The following ANO6 variants were observed in gnomAD, a reference collection of about 807,000 sequenced individuals.
ANO6 encodes anoctamin 6.
ANO6 carries 106 observed loss-of-function variants against 117.5 expected under a neutral mutation model. The ratio of observed to expected loss-of-function variants is 0.90; its 90% CI spans 0.77 to 1.06. The LOEUF is 1.06. Ranked by LOEUF, ANO6 falls within the 50% of genes least tolerant of loss-of-function variation. The pLI is 0.00. For synonymous variants in ANO6, 367 were observed against 385.1 expected (o/e 0.95, Z 0.55); for missense variants, 955 against 1,121.1 (o/e 0.85, Z 2.12).
chr12:45,264,773 A>G (rs987233992), intron 1 of ANO6, among the ~76,000 whole-genome samples: 10 of 152,222 alleles, frequency 6.6e-5, no homozygotes, highest in African/African-American at 1.7e-4. Flanking sequence ...ACAAAGTGCT[A>G]TTATCTTCAG....
At chr12:45,257,518 T>A (rs1000039654) in intron 1 of ANO6, among the ~76,000 whole-genome samples, 5 of 152,296 alleles carry the variant, frequency 3.3e-5, no homozygotes, top group East Asian at 1.9e-4. Context: ...GTGAATGGCA[T>A]CCCCATTTCA....
chr12:45,383,635 C>A (rs941694299), intron 10 of ANO6, among the ~76,000 whole-genome samples: 1 of 152,140 alleles, frequency 6.6e-6, no homozygotes, highest in African/African-American at 2.4e-5. Context: ...CTGTACATCT[C>A]CATCAGAGTT....
At chr12:45,402,468 T>C (rs1462303023) in intron 13 of ANO6, among the ~76,000 whole-genome samples, 2 of 152,250 alleles carry the variant, frequency 1.3e-5, no homozygotes. Context: ...GATTTTTTAA[T>C]GTGTTTCTTC....
chr12:45,240,704 A>G (rs1592857666), intron 1 of ANO6, among the ~76,000 whole-genome samples: 2 of 151,990 alleles, frequency 1.3e-5, no homozygotes, highest in South Asian at 4.2e-4. Context: ...GTTCCTTTCT[A>G]TGTTTAGTGC....
intron 10 of ANO6, among the ~76,000 whole-genome samples, chr12:45,379,226 G>C (rs763035195): frequency 1.3e-5 from 2 of 152,150 alleles, no homozygotes; most frequent in East Asian, 3.9e-4. Context: ...AGTTATTTAC[G>C]GTGTCCTCAG....
chr12:45,237,567 T>G (rs1425267593), intron 1 of ANO6, among the ~76,000 whole-genome samples: 1 of 152,196 alleles, frequency 6.6e-6, no homozygotes, highest in Non-Finnish European at 1.5e-5. Context: ...GCCTCTGTTC[T>G]GTTCCATTGG....
intron 1 of ANO6, among the ~76,000 whole-genome samples, chr12:45,298,712 C>T (rs1375696632): frequency 6.6e-6 from 1 of 152,190 alleles, no homozygotes; most frequent in Non-Finnish European, 1.5e-5. Context: ...AGCAGACTAA[C>T]TAAAACTATA....
chr12:45,323,935 ATTTT>A, intron 2 of ANO6, among the ~76,000 whole-genome samples: 1 of 108,308 alleles, frequency 9.2e-6, no homozygotes, highest in East Asian at 2.6e-4. Flanking sequence ...TTGTTGTTGT[ATTTT>A]TTTTTTTTTT....
intron 7 of ANO6, among the ~76,000 whole-genome samples, chr12:45,354,228 C>G (rs1328776337): frequency 6.8e-6 from 1 of 146,034 alleles, no homozygotes; most frequent in African/African-American, 2.8e-5. Flanking sequence ...ATCCTGCTAT[C>G]CTTTGGAAAG....
downstream of ANO6, among the ~76,000 whole-genome samples, chr12:45,433,277 G>C (rs1302286330): frequency 6.6e-6 from 1 of 152,192 alleles, no homozygotes; most frequent in Non-Finnish European, 1.5e-5. Flanking sequence ...CAGTGAGAGT[G>C]GCTGACTCCC....
chr12:45,320,419 T>A (rs532306146), intron 2 of ANO6, among the ~76,000 whole-genome samples: 1 of 152,196 alleles, frequency 6.6e-6, no homozygotes, highest in Non-Finnish European at 1.5e-5. Context: ...TTCCATGTAG[T>A]TGAGCGGTTT....
At chr12:45,422,270 A>G (rs1943384590) in intron 18 of ANO6, among the ~76,000 whole-genome samples, 2 of 152,204 alleles carry the variant, frequency 1.3e-5, no homozygotes, top group South Asian at 4.1e-4. Context: ...GTATGAGGAG[A>G]GAGAGTCCCA....
chr12:45,252,951 G>A (rs1223520436), intron 1 of ANO6, among the ~76,000 whole-genome samples: 4 of 152,168 alleles, frequency 2.6e-5, no homozygotes, highest in Non-Finnish European at 4.4e-5. Context: ...CATGGTTCCT[G>A]ACTTACCTGG....
intron 12 of ANO6, among the ~76,000 whole-genome samples, chr12:45,395,482 C>T (rs1057143120): frequency 2.6e-5 from 4 of 152,104 alleles, no homozygotes; most frequent in Non-Finnish European, 5.9e-5. Context: ...TCCTCCCTAA[C>T]TCATTTTATG....
At chr12:45,296,314 G>T (rs1939292714) in intron 1 of ANO6, among the ~76,000 whole-genome samples, 1 of 152,082 alleles carries the variant, frequency 6.6e-6, no homozygotes, top group South Asian at 2.1e-4. Context: ...CATTTCTTTA[G>T]TTGCGTACGT....
chr12:45,324,185 G>A (rs940892473), intron 2 of ANO6, among the ~76,000 whole-genome samples: 2 of 151,926 alleles, frequency 1.3e-5, no homozygotes, highest in South Asian at 4.2e-4. Context: ...CCGCCACCTC[G>A]ACCTCCCAAA....
intron 2 of ANO6, among the ~76,000 whole-genome samples, chr12:45,314,474 T>TAC (rs56187528): frequency 0.022 from 3,240 of 144,842 alleles, 96 homozygotes; most frequent in African/African-American, 0.074. Context: ...ATATTATATA[T>TAC]ACACACACAC....
At chr12:45,310,779 C>G (rs1186120547) in intron 2 of ANO6, among the ~76,000 whole-genome samples, 1 of 151,952 alleles carries the variant, frequency 6.6e-6, no homozygotes, top group African/African-American at 2.4e-5. Flanking sequence ...GGGACTGGGA[C>G]AGCTGCCAGA....
At chr12:45,306,357 G>A (rs1236839315) in intron 2 of ANO6, among the ~76,000 whole-genome samples, 1 of 152,158 alleles carries the variant, frequency 6.6e-6, no homozygotes, top group Non-Finnish European at 1.5e-5. Flanking sequence ...TGGCAAAAGA[G>A]TATTAGGTTT....
Sources: gnomAD v4.1 joint callset for allele counts (sites outside exome capture counted in the v4.1 genomes callset) on GRCh38, gnomAD v4.1.1 for gene constraint, MANE v1.5 for transcripts, NCBI Gene and HGNC (gene_info 2026-07-23, HGNC 2026-07-21) for gene names.